ATG9B: variants seen among roughly 807,000 people sequenced by gnomAD.
The protein encoded by ATG9B is autophagy related 9B, also known as autophagy-related protein 9B.
In ATG9B, 92 loss-of-function variants were observed where a neutral mutation model predicts 92.9. The ratio of observed to expected loss-of-function variants is 0.99; its 90% CI spans 0.84 to 1.18. The LOEUF is 1.18. ATG9B is among the 50% of genes most tolerant of loss of function. The pLI is 0.00. For missense variants in ATG9B, 1,344 were observed against 1,235.0 expected, an observed-to-expected ratio of 1.09 and a Z score of -1.32; for synonymous variants, 599 against 551.4, an observed-to-expected ratio of 1.09 and a Z score of -1.21.
chr7:151,013,696 G>A (rs376693013), downstream of ATG9B: 176 of 1,528,276 alleles, frequency 1.2e-4, 1 homozygote, highest in East Asian at 3.5e-3. Flanking sequence ...CCCCCACCAG[G>A]GCCCGCCCTA....
chr7:151,018,394 TGCA>T lies in ATG9B; in HGVS notation c.1769_1771del (p.Leu590del). 6.3e-7 allele frequency: 1 copy of T among 1,574,850 alleles called. No homozygotes were observed. Among genetic ancestry groups the T allele is most frequent in the Middle Eastern group, 1.7e-4 (1 of 5,890 alleles). On this transcript the variant is annotated inframe_deletion, in exon 7 of 14. Coordinates refer to ENST00000639579, the MANE Select transcript of ATG9B (RefSeq NM_001317056.2). The surrounding 1 kb of genome is among the most constrained non-coding windows in gnomAD (Gnocchi z 4.7). ...GTAGTGCATGTGGGCCAGGGCTGTCTGCAGCAGGAGCTGCGGCGCACGACCCTG... is the reference window on the plus strand; with the variant it reads ...GTAGTGCATGTGGGCCAGGGCTGTCTGCAGGAGCTGCGGCGCACGACCCTG...
chr7:151,014,202 G>A, downstream of ATG9B: 5 of 1,573,610 alleles, frequency 3.2e-6, no homozygotes, highest in Non-Finnish European at 3.5e-6. Context: ...AGTTCCGGGA[G>A]AGCGGCTGCC....
At chr7:151,014,170 G>A, downstream of ATG9B, 1 of 1,597,120 alleles carries the variant, frequency 6.3e-7, no homozygotes, top group East Asian at 2.3e-5. Context: ...CAGCCCCTGA[G>A]AGCCGCCTGG....
At chr7:151,017,002 G>A in intron 9 of ATG9B, 34 bp downstream of exon 9, 1 of 1,555,836 alleles carries the variant, frequency 6.4e-7, no homozygotes, top group Non-Finnish European at 8.7e-7. Context: ...TTGTGGGGGT[G>A]AAGGCAGAAG....
intron 3 of ATG9B, 23 bp downstream of exon 3, chr7:151,023,422 C>T (rs766758453): frequency 1.1e-5 from 18 of 1,612,068 alleles, no homozygotes; most frequent in South Asian, 5.5e-5. Context: ...GACCGAGTTC[C>T]GGGCCCGGGC....
At position 151,018,110 on chromosome 7, in the gene ATG9B, G is replaced by A; in HGVS notation, c.1873-60C>T. ...CTGAGGGGCCCACGCGCGTTATCAG[G>A]ACCAAGCAGTCCCCAGCGACCCTCG... is the stretch of plus-strand genomic sequence containing the variant. On this transcript the variant is annotated intron_variant, in intron 7 of 13. Transcript: ENST00000639579. The surrounding 1 kb of genome is among the most constrained non-coding windows in gnomAD (Gnocchi z 4.7). The A allele has an allele frequency of 6.6e-7, 1 of 1,510,230 alleles. No homozygotes were observed. Among genetic ancestry groups the A allele is most frequent in the Admixed American group, 2.1e-5 (1 of 47,394 alleles). 93.6% of individuals were successfully genotyped at this position (1,510,230 alleles called of 1,614,324 possible). A position where few individuals can be genotyped will look rare whatever the true frequency, so the allele number is the denominator to read the frequency against.
chr7:151,023,301 C>T (rs1384638372), intron 3 of ATG9B, 95 bp from the exon 4 acceptor site: 11 of 1,599,180 alleles, frequency 6.9e-6, no homozygotes, highest in Non-Finnish European at 9.4e-6. Flanking sequence ...CATGGTTATC[C>T]TCCCTGACCC....
chr7:151,020,189 T>G (rs1217172901), intron 5 of ATG9B: 1 of 152,698 alleles, frequency 6.5e-6, no homozygotes, highest in Non-Finnish European at 1.5e-5. Flanking sequence ...TCCCAGGACC[T>G]GGGCTATGTC....
chr7:151,013,864 G>T, downstream of ATG9B: 1 of 1,603,160 alleles, frequency 6.2e-7, no homozygotes. Flanking sequence ...GCATCCTGGC[G>T]ACGGAGGGCG....
At position 151,024,478 on chromosome 7, in the gene ATG9B, C is replaced by T. The variant is rs1465538081; in HGVS notation, c.-55G>A. ...AGGATGGGAGCTGTTGTTGCTTCCA[C>T]AAAGGTCTGTGACACTGAGCTGGGA... is the stretch of plus-strand genomic sequence containing the variant. On this transcript the variant is annotated 5_prime_UTR_variant, in exon 1 of 14. The change creates a new upstream start codon in the 5' untranslated region. Coordinates refer to ENST00000639579, the MANE Select transcript of ATG9B (RefSeq NM_001317056.2). The T allele has an allele frequency of 1.6e-5, 20 of 1,245,300 alleles. No homozygotes were observed. The highest frequency in any genetic ancestry group is 1.9e-5 in the Non-Finnish European group (19 of 975,400). The allele number at this position is 1,245,300 out of a possible 1,614,324, so 77.1% of individuals were successfully genotyped here.
chr7:151,021,274 G>A lies in ATG9B; in HGVS notation c.877C>T (p.Leu293=). The A allele has an allele frequency of 1.9e-6, 3 of 1,613,374 alleles. No homozygotes were observed. Among genetic ancestry groups the A allele is most frequent in the Non-Finnish European group, 2.5e-6 (3 of 1,179,786 alleles). The change falls in exon 5 of 14, where the codon CTG becomes TTG. Residue 293 remains leucine (L), a synonymous_variant. Coordinates refer to ENST00000639579, the MANE Select transcript of ATG9B (RefSeq NM_001317056.2). ...CAGACTGAGCGAAGCAGTTGGACCA[G>A]CCAGAAGCCGGCAGCCAGGACCAGG... is the stretch of plus-strand genomic sequence containing the variant. ...LLLVLAAGFW[L]VQLLRSVCNL...
Position 151,015,969 on chromosome 7 carries a change from T to C in ATG9B, c.2702A>G (p.Asn901Ser). The change falls in exon 13 of 14, where the codon AAT (asparagine) becomes AGT (serine). Residue 901 changes from asparagine (N) to serine (S), a missense_variant. Asn to Ser is a conservative substitution (Grantham distance 46). Coordinates refer to ENST00000639579, the MANE Select transcript of ATG9B (RefSeq NM_001317056.2). ...CACCTGAAACCCTCCGGGGAACAGA[T>C]TCCGGGCCTTCTGGGTTCCCCACTG... Reference protein sequence around the residue: ...RQQWGTQKARNLFPGGFQVTT... With the variant: ...RQQWGTQKARSLFPGGFQVTT... The C allele has an allele frequency of 3.2e-6, 5 of 1,551,656 alleles. No homozygotes were observed. The highest frequency in any genetic ancestry group is 4.4e-6 in the Non-Finnish European group (5 of 1,146,974).
rs377299879 is a variant in ATG9B, at chr7:151,024,141, C to T, written c.283G>A (p.Ala95Thr). ...GGTTGAGCCTGTGTTGGGGGGGTGG[C>T]TGGGATAGGGAGAGCACTGTGGCAA... ...QSCHSALPIP[A>T]TPPTQAQPAM... The change falls in exon 1 of 14, where the codon GCC becomes ACC. Residue 95 changes from alanine (A) to threonine (T), a missense_variant. Coordinates refer to ENST00000639579, the MANE Select transcript of ATG9B (RefSeq NM_001317056.2). 35 of 1,585,088 alleles carry T rather than the reference C, an allele frequency of 2.2e-5. No individual in the cohort carries two copies. The highest frequency in any genetic ancestry group is 2.1e-5 in the Non-Finnish European group (25 of 1,164,764).
At position 151,018,412 on chromosome 7, in the gene ATG9B, G is replaced by T; in HGVS notation, c.1754C>A (p.Ala585Glu). The change falls in exon 7 of 14, where the codon GCG becomes GAG. Residue 585 changes from alanine to glutamate, a missense_variant. By Grantham distance (107) the Ala-to-Glu change is moderately radical. Transcript: ENST00000639579. The surrounding 1 kb of genome is among the most constrained non-coding windows in gnomAD (Gnocchi z 4.7). ...FIPEEQCQGR[A>E]PQLLLQTALA... ...GGCTGTCTGCAGCAGGAGCTGCGGCGCACGACCCTGGCACTGCTCTTCCGG... is the reference window on the plus strand; with the variant it reads ...GGCTGTCTGCAGCAGGAGCTGCGGCTCACGACCCTGGCACTGCTCTTCCGG... The T allele has an allele frequency of 6.4e-7, 1 of 1,552,914 alleles. No homozygotes were observed. The highest frequency in any genetic ancestry group is 8.7e-7 in the Non-Finnish European group (1 of 1,149,830).
In ATG9B at chr7:151,019,313, C is replaced by T; in HGVS notation, c.1025G>A (p.Ser342Asn). 6.3e-7 allele frequency: 1 copy of T among 1,580,144 alleles called. No homozygotes were observed. Among genetic ancestry groups the T allele is most frequent in the Non-Finnish European group, 8.5e-7 (1 of 1,170,680 alleles). The change falls in exon 6 of 14, where the codon AGC becomes AAC. Residue 342 changes from serine (S) to asparagine (N), a missense_variant. Coordinates refer to ENST00000639579, the MANE Select transcript of ATG9B (RefSeq NM_001317056.2). ...VQSRLLALQR[S>N]GGLCVQPRPL... ...CCGCGGCTGCACGCACAGGCCCCCGCTCCGCTGCAGTGCCAAGAGGCGGGA... is the reference window on the plus strand; with the variant it reads ...CCGCGGCTGCACGCACAGGCCCCCGTTCCGCTGCAGTGCCAAGAGGCGGGA...
intron 5 of ATG9B, 83 bp downstream of exon 5, chr7:151,021,105 C>T (rs1795728365): frequency 1.3e-6 from 2 of 1,531,268 alleles, no homozygotes. Context: ...TTGGCCCTTC[C>T]ACCTGTACAG....
chr7:151,022,879 T>A (rs1054256366), intron 4 of ATG9B, among the ~76,000 whole-genome samples, 166 bp downstream of exon 4: 1 of 152,028 alleles, frequency 6.6e-6, no homozygotes, highest in Non-Finnish European at 1.5e-5. Context: ...AAGTACAACT[T>A]AATACACTTA....
At chr7:151,022,401 G>A (rs1021580992) in intron 4 of ATG9B, among the ~76,000 whole-genome samples, 4 of 151,358 alleles carry the variant, frequency 2.6e-5, no homozygotes, top group Non-Finnish European at 4.4e-5. Context: ...CTCCCAAAGT[G>A]CTGGGATTAC....
chr7:151,024,224 G>A lies in ATG9B; in HGVS notation c.200C>T (p.Ser67Phe). The change falls in exon 1 of 14, where the codon TCC (serine) becomes TTC (phenylalanine). Residue 67 changes from serine (S) to phenylalanine (F), a missense_variant. By Grantham distance (155) the Ser-to-Phe change is radical. Coordinates refer to ENST00000639579, the MANE Select transcript of ATG9B (RefSeq NM_001317056.2). Reference sequence around the variant, plus strand: ...GCAAGGGGGCCCTGCGGTGGGAGGGGAAAATGAGGAGGGGGAGCTTCTTGT... The same window carrying A: ...GCAAGGGGGCCCTGCGGTGGGAGGGAAAAATGAGGAGGGGGAGCTTCTTGT... ...PHTRSSPSSF[S>F]PPTAGPPCSV... is the part of the protein sequence containing the mutation. 6.7e-7 allele frequency: 1 copy of A among 1,483,388 alleles called. No individual in the cohort carries two copies. Among genetic ancestry groups the A allele is most frequent in the Non-Finnish European group, 9.0e-7 (1 of 1,114,758 alleles). 91.9% of individuals were successfully genotyped at this position (1,483,388 alleles called of 1,614,324 possible).
Sources: allele counts gnomAD v4.1 joint callset (sites outside exome capture counted in the v4.1 genomes callset), GRCh38; gene constraint gnomAD v4.1.1; non-coding constraint Gnocchi (gnomAD v3.1); transcripts MANE v1.5; gene names NCBI Gene and HGNC (gene_info 2026-07-23, HGNC 2026-07-21).